The following TDG variants were observed in gnomAD, a reference collection of about 807,000 sequenced individuals.
TDG encodes thymine DNA glycosylase.
Under a neutral mutation model 46.1 loss-of-function variants are expected in TDG, and 23 were observed. That is an observed-to-expected ratio of 0.50 (90% confidence interval 0.36 to 0.71). The LOEUF (loss-of-function observed/expected upper bound fraction) is 0.71. Ranked by LOEUF, TDG falls within the 30% of genes least tolerant of loss-of-function variation. The probability of loss-of-function intolerance (pLI) is 0.00; values close to 1 mark genes in which losing one functional copy is unlikely to be tolerated. For synonymous variants in TDG, 115 were observed against 161.3 expected (o/e 0.71, Z 2.18); for missense variants, 304 against 486.7 (o/e 0.62, Z 3.53).
At chr12:103,972,380 G>A (rs1871327320) in intron 1 of TDG, among the ~76,000 whole-genome samples, 1 of 152,214 alleles carries the variant, frequency 6.6e-6, no homozygotes, top group African/African-American at 2.4e-5. Context: ...GCCTCCCAAA[G>A]TGCTGGGATT....
intron 1 of TDG, among the ~76,000 whole-genome samples, chr12:103,968,885 T>C (rs1871174680): frequency 6.6e-6 from 1 of 152,204 alleles, no homozygotes; most frequent in African/African-American, 2.4e-5. Flanking sequence ...TCCCAGCACT[T>C]TGGGAGGCCA....
intron 9 of TDG, 132 bp from the exon 10 acceptor site, chr12:103,986,816 T>G: frequency 1.1e-6 from 1 of 931,372 alleles, no homozygotes. Context: ...GCCCAGGAGT[T>G]TGAGGCTGCA....
At chr12:103,986,408 AC>A (rs1872158572) in intron 9 of TDG, 2 of 152,234 alleles carry the variant, frequency 1.3e-5, no homozygotes, top group African/African-American at 4.8e-5. Flanking sequence ...ATCATTTAAA[AC>A]TTCCAGGCCG....
chr12:103,973,069 A>G (rs1314389401), intron 1 of TDG: 2 of 687,702 alleles, frequency 2.9e-6, no homozygotes, highest in Non-Finnish European at 5.3e-6. Context: ...GTGACAGAGT[A>G]AAAACACGTT....
intron 1 of TDG, among the ~76,000 whole-genome samples, chr12:103,976,106 A>G (rs1871523956): frequency 6.6e-6 from 1 of 151,914 alleles, no homozygotes; most frequent in Non-Finnish European, 1.5e-5. Context: ...ACCACCATCA[A>G]TAAAAATCAA....
intron 1 of TDG, among the ~76,000 whole-genome samples, chr12:103,971,841 T>C (rs1052419828): frequency 5.9e-5 from 9 of 152,206 alleles, no homozygotes; most frequent in African/African-American, 2.2e-4. Flanking sequence ...TCCTATTTCC[T>C]ATACATTGTC....
rs563230801 is a variant in TDG, at chr12:103,987,226, T to C, written c.*136T>C. On this transcript the variant is annotated 3_prime_UTR_variant, in exon 10 of 10. Coordinates refer to ENST00000392872, the MANE Select transcript of TDG (RefSeq NM_003211.6). ...GTAATTGTAATGTAGAACAGTTGTG[T>C]GGTAGTGTGAACCGTATGAACCTAA... 12 of 1,342,630 alleles carry C rather than the reference T, an allele frequency of 8.9e-6. No individual in the cohort carries two copies. The African/African-American group carries it at 1.4e-4, about 16-fold the overall frequency. 83.2% of individuals were successfully genotyped at this position (1,342,630 alleles called of 1,614,324 possible).
chr12:103,984,348 C>CT (rs1400423546), intron 7 of TDG, among the ~76,000 whole-genome samples: 1 of 152,090 alleles, frequency 6.6e-6, no homozygotes, highest in Non-Finnish European at 1.5e-5. Flanking sequence ...AATCCCAGCA[C>CT]TTTGGGAGGC....
At chr12:103,977,286 C>T (rs535669553) in intron 2 of TDG, among the ~76,000 whole-genome samples, 3 of 152,276 alleles carry the variant, frequency 2.0e-5, no homozygotes, top group South Asian at 2.1e-4. Flanking sequence ...AGTAAATACA[C>T]GTTACAGCTC....
intron 1 of TDG, among the ~76,000 whole-genome samples, chr12:103,966,903 T>G (rs2136230130): frequency 6.6e-6 from 1 of 152,312 alleles, no homozygotes. Context: ...GTCTGTAAAG[T>G]TGGCATGTCT....
intron 1 of TDG, among the ~76,000 whole-genome samples, chr12:103,974,994 GAA>G (rs1376586055): frequency 3.6e-5 from 3 of 83,982 alleles, no homozygotes; most frequent in African/African-American, 7.2e-5. Flanking sequence ...AAAAAAAAAA[GAA>G]AAAGAAAAAG....
At chr12:103,985,166 T>TATATAC (rs1555275233) in intron 8 of TDG, among the ~76,000 whole-genome samples, 1 of 138,506 alleles carries the variant, frequency 7.2e-6, no homozygotes, top group East Asian at 2.2e-4. Flanking sequence ...TATAGACACA[T>TATATAC]ACACACACAC....
intron 1 of TDG, among the ~76,000 whole-genome samples, chr12:103,976,294 A>G (rs1871533965): frequency 1.3e-5 from 2 of 151,910 alleles, no homozygotes; most frequent in Admixed American, 1.3e-4. Flanking sequence ...AGTCCCAGCT[A>G]CTTGGGAGGC....
intron 2 of TDG, among the ~76,000 whole-genome samples, chr12:103,978,223 G>A (rs1871633124): frequency 6.6e-6 from 1 of 152,086 alleles, no homozygotes; most frequent in Admixed American, 6.6e-5. Context: ...ACCTAGCCAT[G>A]GCTAATGGGT....
chr12:103,976,776 C>G (rs905895310), intron 1 of TDG, 142 bp from the exon 2 acceptor site: 6 of 1,002,644 alleles, frequency 6.0e-6, no homozygotes, highest in Non-Finnish European at 7.3e-6. Context: ...CTAGATCTCT[C>G]CTCTGTAATC....
chr12:103,986,777 T>G, intron 9 of TDG, 171 bp from the exon 10 acceptor site: 4 of 608,208 alleles, frequency 6.6e-6, no homozygotes, highest in Non-Finnish European at 5.5e-6. Flanking sequence ...CCCAGTGCTT[T>G]GAGAGGCTAG....
At chr12:103,970,593 C>T (rs527672723) in intron 1 of TDG, among the ~76,000 whole-genome samples, 2 of 151,796 alleles carry the variant, frequency 1.3e-5, no homozygotes, top group African/African-American at 4.8e-5. Flanking sequence ...TGAAATACAG[C>T]AAATCTAGCT....
chr12:103,983,224 A>G lies in TDG; in HGVS notation c.697+6A>G, dbSNP rs1008477973. 5 of 1,566,152 alleles carry G rather than the reference A, an allele frequency of 3.2e-6. No individual in the cohort carries two copies. Among genetic ancestry groups the G allele is most frequent in the Non-Finnish European group, 4.3e-6 (5 of 1,158,604 alleles). Reference sequence around the variant, plus strand: ...AGCAGTGTTTAATGGAAAATGTAAGATTTACTTTTAAATTTTTTTTTTCTT... The same window carrying G: ...AGCAGTGTTTAATGGAAAATGTAAGGTTTACTTTTAAATTTTTTTTTTCTT... On this transcript the variant is annotated splice_donor_region_variant and intron_variant, in intron 6 of 9. Transcript: ENST00000392872.
rs1372777455 is a variant in TDG at position 103,985,593 on chromosome 12, T to C, written c.965-10T>C. Reference sequence around the variant, plus strand: ...AAATCAGATTTAAATCCTTTTTACCTTCCTCACAGAGGATGCAAAGAAGAT... The same window carrying C: ...AAATCAGATTTAAATCCTTTTTACCCTCCTCACAGAGGATGCAAAGAAGAT... On this transcript the variant is annotated splice_polypyrimidine_tract_variant and intron_variant, in intron 8 of 9. Coordinates refer to ENST00000392872, the MANE Select transcript of TDG (RefSeq NM_003211.6). 3.0e-6 allele frequency: 3 copies of C among 1,003,206 alleles called. No homozygotes were observed. The African/African-American group carries it at 7.8e-5, about 26-fold the overall frequency. 62.1% of individuals were successfully genotyped at this position (1,003,206 alleles called of 1,614,324 possible). A position where few individuals can be genotyped will look rare whatever the true frequency, so the allele number is the denominator to read the frequency against.
Sources: allele counts gnomAD v4.1 joint callset (sites outside exome capture counted in the v4.1 genomes callset), GRCh38; gene constraint gnomAD v4.1.1; transcripts MANE v1.5; gene names NCBI Gene and HGNC (gene_info 2026-07-23, HGNC 2026-07-21).